Variants in RDH14 observed in about 807,000 individuals in gnomAD.
RDH14 encodes alcohol dehydrogenase PAN2.
A neutral mutation model predicts 19.3 loss-of-function variants in RDH14; 17 were observed. The ratio of observed to expected loss-of-function variants is 0.88; its 90% CI spans 0.60 to 1.32. The LOEUF (loss-of-function observed/expected upper bound fraction) is 1.32, where lower values mean the gene tolerates loss of function less well. Ranked by LOEUF, RDH14 falls within the 40% of genes most tolerant of loss-of-function variation. The pLI, the probability that RDH14 is intolerant of heterozygous loss-of-function variation, is 0.00. For missense variants in RDH14, 534 were observed against 449.2 expected, an observed-to-expected ratio of 1.19 and a Z score of -1.71; for synonymous variants, 215 against 188.9, an observed-to-expected ratio of 1.14 and a Z score of -1.13.
rs767737356 is a variant in RDH14 at position 18,555,573 on chromosome 2, C to T, written c.629G>A (p.Ser210Asn). 14 of 1,613,966 alleles carry T rather than the reference C, an allele frequency of 8.7e-6. No individual in the cohort carries two copies. Among genetic ancestry groups the T allele is most frequent in the Non-Finnish European group, 1.1e-5 (13 of 1,179,990 alleles). Residue 210 changes from serine to asparagine, a missense_variant, in exon 2 of 2, where the codon AGC (serine) becomes AAC (asparagine). Physicochemically the swap from Ser to Asn is conservative, Grantham distance 46. Transcript: ENST00000381249. ...GCTATAACAAAAGCTTTTATTATAG[C>T]TTTGTTCACTGTTCAAGTCATCAAA... ...INFDDLNSEQ[S>N]YNKSFCYSRS...
chr2:18,555,450 C>G lies in RDH14; in HGVS notation c.752G>C (p.Arg251Pro). 6.2e-7 allele frequency: 1 copy of G among 1,614,120 alleles called. No individual in the cohort carries two copies. The highest frequency in any genetic ancestry group is 8.5e-7 in the Non-Finnish European group (1 of 1,180,002). Residue 251 changes from arginine to proline, a missense_variant, in exon 2 of 2, where the codon CGG (arginine) becomes CCG (proline). Transcript: ENST00000381249. ...TVNVLHPGIV[R>P]TNLGRHIHIP... ...GTGTATGTGCCTCCCCAGATTTGTC[C>G]GTACAATACCAGGATGCAACACATT... is the stretch of plus-strand genomic sequence containing the variant.
intron 1 of RDH14, among the ~76,000 whole-genome samples, chr2:18,558,833 T>C (rs184910466): frequency 6.6e-6 from 1 of 152,364 alleles, no homozygotes; most frequent in East Asian, 1.9e-4. Flanking sequence ...TGCAACCTTT[T>C]GTCTCCCATC....
chr2:18,560,369 C>A lies in RDH14; in HGVS notation c.204G>T (p.Ala68=). 6.8e-7 allele frequency: 1 copy of A among 1,460,758 alleles called. No homozygotes were observed. The highest frequency in any genetic ancestry group is 9.0e-7 in the Non-Finnish European group (1 of 1,116,446). The allele number at this position is 1,460,758 out of a possible 1,614,324, so 90.5% of individuals were successfully genotyped here. The stretch of plus-strand genomic sequence containing the variant: ...GGTCCCGGCAGCCCATGATCACCCG[C>A]GCTCCCAGGCGCAGTAGCTCGGCGG... ...ATAAELLRLG[A]RVIMGCRDRA... Residue 68 remains alanine, a synonymous_variant, in exon 1 of 2, where the codon GCG becomes GCT. Transcript: ENST00000381249.
chr2:18,560,031 T>G, intron 1 of RDH14, 149 bp downstream of exon 1: 1 of 828,978 alleles, frequency 1.2e-6, no homozygotes, highest in Non-Finnish European at 1.7e-6. Context: ...CGCCTCAAAG[T>G]GGCTTTTTGG....
rs943587445 is a variant in RDH14 at position 18,560,451 on chromosome 2, A to G, written c.122T>C (p.Met41Thr). 2.6e-6 allele frequency: 4 copies of G among 1,514,038 alleles called. No homozygotes were observed. The highest frequency in any genetic ancestry group is 1.2e-5 in the South Asian group (1 of 82,144). 93.8% of individuals were successfully genotyped at this position (1,514,038 alleles called of 1,614,324 possible). ...RLRRGGDPGL[M>T]HGKTVLITGA... ...GGTGATCAGCACAGTCTTCCCGTGC[A>G]TGAGGCCGGGGTCCCCGCCTCTGCG... Residue 41 changes from methionine (M) to threonine (T), a missense_variant, in exon 1 of 2, where the codon ATG (methionine) becomes ACG (threonine). By Grantham distance (81) the Met-to-Thr change is moderately conservative (BLOSUM62 -1). Coordinates refer to ENST00000381249, the MANE Select transcript of RDH14 (RefSeq NM_020905.4).
intron 1 of RDH14, among the ~76,000 whole-genome samples, chr2:18,558,112 G>A (rs781697810): frequency 1.2e-4 from 19 of 152,104 alleles, no homozygotes; most frequent in Non-Finnish European, 2.6e-4. Context: ...TTATTTCTTT[G>A]TGGAGCTGAC....
intron 1 of RDH14, among the ~76,000 whole-genome samples, chr2:18,558,308 AT>A (rs1353937984): frequency 6.6e-6 from 1 of 152,174 alleles, no homozygotes; most frequent in Admixed American, 6.5e-5. Flanking sequence ...TAAACATATT[AT>A]TTTTTTCTTT....
chr2:18,555,873 T>C (rs1663903702), intron 1 of RDH14, 65 bp from the exon 2 acceptor site: 3 of 1,504,766 alleles, frequency 2.0e-6, no homozygotes, highest in Non-Finnish European at 2.7e-6. Flanking sequence ...GCTTTTTCTG[T>C]TCATGATAAT....
chr2:18,556,386 T>C (rs1323555859), intron 1 of RDH14, among the ~76,000 whole-genome samples: 1 of 152,198 alleles, frequency 6.6e-6, no homozygotes, highest in Non-Finnish European at 1.5e-5. Context: ...ATCAAAATTA[T>C]AAGTGTACCT....
In RDH14 at chr2:18,555,703, C is replaced by T; in HGVS notation, c.499G>A (p.Gly167Arg). The change falls in exon 2 of 2, where the codon GGG becomes AGG. Residue 167 changes from glycine (G) to arginine (R), a missense_variant. Coordinates refer to ENST00000381249, the MANE Select transcript of RDH14 (RefSeq NM_020905.4). ...FEMQFGVNHL[G>R]HFLLTNLLLG... ...AGAAGATTGGTGAGTAGAAAGTGCC[C>T]CAGATGGTTCACTCCGAACTGCATC... 1 of 1,614,046 alleles carries T rather than the reference C, an allele frequency of 6.2e-7. No homozygotes were observed. The highest frequency in any genetic ancestry group is 8.5e-7 in the Non-Finnish European group (1 of 1,179,958).
At chr2:18,557,331 T>C (rs1273771823) in intron 1 of RDH14, among the ~76,000 whole-genome samples, 2 of 152,224 alleles carry the variant, frequency 1.3e-5, no homozygotes, top group Non-Finnish European at 1.5e-5. Flanking sequence ...GAAAAATGTG[T>C]TACATTTCAC....
rs759724081 is a variant in RDH14 at position 18,555,793 on chromosome 2, C to A, written c.409G>T (p.Asp137Tyr). ...QEMLQEEPRL[D>Y]VLINNAGIFQ... The stretch of plus-strand genomic sequence containing the variant: ...ATCCCTGCGTTATTGATCAAGACAT[C>A]CAGCCTAGGCTCTTCCTTTAAATGT... Residue 137 changes from aspartate to tyrosine, a missense_variant, in exon 2 of 2, where the codon GAT (aspartate) becomes TAT (tyrosine). Asp to Tyr is a radical substitution (Grantham distance 160). Transcript: ENST00000381249. The A allele has an allele frequency of 6.2e-7, 1 of 1,606,442 alleles. No homozygotes were observed. Among genetic ancestry groups the A allele is most frequent in the Non-Finnish European group, 8.5e-7 (1 of 1,174,684 alleles).
intron 1 of RDH14, among the ~76,000 whole-genome samples, chr2:18,556,196 T>C (rs1243751549): frequency 6.6e-6 from 1 of 152,232 alleles, no homozygotes; most frequent in Non-Finnish European, 1.5e-5. Context: ...TTTACAAATA[T>C]ATAAACTTTA....
rs574844352 is a variant in RDH14, at chr2:18,555,248, T to G, written c.954A>C (p.Glu318Asp). Residue 318 changes from glutamate to aspartate, a missense_variant, in exon 2 of 2, where the codon GAA (glutamate) becomes GAC (aspartate). Glu to Asp is a conservative substitution (Grantham distance 45). Coordinates refer to ENST00000381249, the MANE Select transcript of RDH14 (RefSeq NM_020905.4). Reference sequence around the variant, plus strand: ...TATCCCAGAGTTTTCTTGCAACAGATTCATCCATAGCTTTGGGCAACAGTT... The same window carrying G: ...TATCCCAGAGTTTTCTTGCAACAGAGTCATCCATAGCTTTGGGCAACAGTT... ...EEELLPKAMD[E>D]SVARKLWDIS... 6.2e-7 allele frequency: 1 copy of G among 1,614,042 alleles called. No homozygotes were observed. Among genetic ancestry groups the G allele is most frequent in the South Asian group, 1.1e-5 (1 of 91,092 alleles).
At chr2:18,560,044 T>C (rs890612358) in intron 1 of RDH14, 136 bp downstream of exon 1, 7 of 989,244 alleles carry the variant, frequency 7.1e-6, no homozygotes, top group Non-Finnish European at 9.7e-6. Flanking sequence ...CTTTTTGGAC[T>C]CCTCTCAGCC....
Position 18,560,466 on chromosome 2 carries a change from C to T in RDH14, c.107G>A (p.Gly36Glu), listed in dbSNP as rs969216185. 1 of 1,514,216 alleles carries T rather than the reference C, an allele frequency of 6.6e-7. No individual in the cohort carries two copies. The highest frequency in any genetic ancestry group is 1.4e-5 in the African/African-American group (1 of 69,612). The allele number at this position is 1,514,216 out of a possible 1,614,324, so 93.8% of individuals were successfully genotyped here. Residue 36 changes from glycine to glutamate, a missense_variant, in exon 1 of 2, where the codon GGG becomes GAG. By Grantham distance (98) the Gly-to-Glu change is moderately conservative. Transcript: ENST00000381249. ...CTTCCCGTGCATGAGGCCGGGGTCC[C>T]CGCCTCTGCGCAGCCGCTGGACCCT... Reference protein sequence around the residue: ...GPRVQRLRRGGDPGLMHGKTV... With the variant: ...GPRVQRLRRGEDPGLMHGKTV...
Position 18,554,942 on chromosome 2 carries a change from A to G in RDH14, c.*249T>C. 1 of 387,906 alleles carries G rather than the reference A, an allele frequency of 2.6e-6. No individual in the cohort carries two copies. The highest frequency in any genetic ancestry group is 2.0e-5 in the African/African-American group (1 of 49,280). The allele number at this position is 387,906 out of a possible 1,614,324, so 24.0% of individuals were successfully genotyped here. A position where few individuals can be genotyped will look rare whatever the true frequency, so the allele number is the denominator to read the frequency against. On this transcript the variant is annotated 3_prime_UTR_variant, in exon 2 of 2. Transcript: ENST00000381249. The stretch of plus-strand genomic sequence containing the variant: ...GCTTGCCCAGTTATAATTTTACAAT[A>G]TAATTGTATTTTTCATTGTACTTAT...
rs994916454 is a variant in RDH14, at chr2:18,560,563, C to T, written c.10G>A (p.Ala4Thr). The T allele has an allele frequency of 1.2e-5, 18 of 1,486,164 alleles. No homozygotes were observed. The highest frequency in any genetic ancestry group is 1.1e-4 in the Admixed American group (5 of 44,100). The allele number at this position is 1,486,164 out of a possible 1,614,324, so 92.1% of individuals were successfully genotyped here. ...GCGGCCAGTACTGCCGCCGCAGTGG[C>T]CACTGCCATCGTCAGGCCCGAGGGC... is the stretch of plus-strand genomic sequence containing the variant. MAV[A>T]TAAAVLAALG... The change falls in exon 1 of 2, where the codon GCC becomes ACC. Residue 4 changes from alanine to threonine, a missense_variant. Ala to Thr is a moderately conservative substitution (Grantham distance 58, BLOSUM62 0). Transcript: ENST00000381249.
At chr2:18,557,351 C>T (rs1451063533) in intron 1 of RDH14, among the ~76,000 whole-genome samples, 3 of 152,152 alleles carry the variant, frequency 2.0e-5, no homozygotes, top group East Asian at 1.9e-4. Flanking sequence ...CAACTGTTAT[C>T]GAAGCCCACC....
Sources: allele counts gnomAD v4.1 joint callset (sites outside exome capture counted in the v4.1 genomes callset), GRCh38; gene constraint gnomAD v4.1.1; transcripts MANE v1.5; gene names NCBI Gene and HGNC (gene_info 2026-07-23, HGNC 2026-07-21).